GPR158: variants seen among roughly 807,000 people sequenced by gnomAD.
GPR158 encodes metabotropic glycine receptor.
GPR158 carries 30 observed loss-of-function variants against 78.2 expected under a neutral mutation model. The ratio of observed to expected loss-of-function variants is 0.38; its 90% CI spans 0.29 to 0.52. GPR158 has a LOEUF of 0.52. GPR158 is among the 20% of genes least tolerant of loss of function. The pLI, the probability that GPR158 is intolerant of heterozygous loss-of-function variation, is 0.83. For missense variants in GPR158, 1,463 were observed against 1,523.5 expected (o/e 0.96, Z 0.66); for synonymous variants, 581 against 591.1 (o/e 0.98, Z 0.25).
At chr10:25,348,785 G>A (rs1204006337) in intron 2 of GPR158, among the ~76,000 whole-genome samples, 1 of 151,924 alleles carries the variant, frequency 6.6e-6, no homozygotes, top group East Asian at 1.9e-4. Context: ...ACTAGTATGT[G>A]GCATGTGAAA....
chr10:25,475,446 G>T (rs1485421319), intron 5 of GPR158: 1 of 152,040 alleles, frequency 6.6e-6, no homozygotes, highest in Non-Finnish European at 1.5e-5. Flanking sequence ...ATGCTTTGAA[G>T]ATAGAAAGGA....
chr10:25,486,806 A>G (rs147068094), intron 5 of GPR158, among the ~76,000 whole-genome samples: 46 of 128,648 alleles, frequency 3.6e-4, no homozygotes, highest in African/African-American at 1.1e-3. Context: ...TCTAACTATG[A>G]TAGACCATTT....
intron 2 of GPR158, among the ~76,000 whole-genome samples, chr10:25,393,120 C>T (rs1385905425): frequency 6.6e-6 from 1 of 152,080 alleles, no homozygotes; most frequent in Non-Finnish European, 1.5e-5. Flanking sequence ...CAATATGTAC[C>T]AGATCTAATC....
At chr10:25,541,614 T>A (rs1294939398) in intron 5 of GPR158, among the ~76,000 whole-genome samples, 2 of 144,908 alleles carry the variant, frequency 1.4e-5, no homozygotes, top group African/African-American at 2.5e-5. Context: ...AAAAAAAAAA[T>A]TTTAGAACAC....
At chr10:25,231,260 G>A (rs537702928) in intron 2 of GPR158, among the ~76,000 whole-genome samples, 11 of 152,168 alleles carry the variant, frequency 7.2e-5, no homozygotes, top group Non-Finnish European at 1.2e-4. Flanking sequence ...ATGAAAGTGA[G>A]ATGAAAAAGC....
At chr10:25,375,302 A>C (rs1195903834) in intron 2 of GPR158, among the ~76,000 whole-genome samples, 5 of 151,560 alleles carry the variant, frequency 3.3e-5, no homozygotes, top group African/African-American at 1.2e-4. Context: ...GTTGCTTGCC[A>C]TCATTTCTCC....
chr10:25,573,000 A>G, intron 7 of GPR158, 113 bp downstream of exon 7: 1 of 701,500 alleles, frequency 1.4e-6, no homozygotes. Context: ...AATCTCACCT[A>G]ATGTGATTCT....
intron 2 of GPR158, among the ~76,000 whole-genome samples, chr10:25,379,006 G>A (rs1372339477): frequency 1.3e-5 from 2 of 151,892 alleles, no homozygotes; most frequent in African/African-American, 2.4e-5. Context: ...GCCCAGGCTG[G>A]TCTCAAAGTC....
At chr10:25,284,702 T>C (rs1854322675) in intron 2 of GPR158, among the ~76,000 whole-genome samples, 1 of 151,980 alleles carries the variant, frequency 6.6e-6, no homozygotes, top group African/African-American at 2.4e-5. Context: ...TCTCTTTTTC[T>C]GTCTTCTTTT....
intron 7 of GPR158, among the ~76,000 whole-genome samples, chr10:25,585,060 G>A (rs190022100): frequency 5.3e-4 from 80 of 152,348 alleles, no homozygotes; most frequent in Admixed American, 1.1e-3. Flanking sequence ...CTATTTGGCT[G>A]TCTATGATTG....
chr10:25,596,127 A>G (rs886290848), intron 9 of GPR158, among the ~76,000 whole-genome samples: 1 of 152,204 alleles, frequency 6.6e-6, no homozygotes, highest in African/African-American at 2.4e-5. Context: ...TGGACAATAT[A>G]TGACAAATGA....
At chr10:25,411,557 A>T (rs1834584509) in intron 3 of GPR158, among the ~76,000 whole-genome samples, 1 of 152,114 alleles carries the variant, frequency 6.6e-6, no homozygotes, top group Non-Finnish European at 1.5e-5. Flanking sequence ...CAACTTTCTT[A>T]TTCCTACTTC....
At position 25,594,789 on chromosome 10, in the gene GPR158, T is replaced by C. The variant is rs116406459; in HGVS notation, c.1998+392T>C. 6.3e-3 allele frequency among the ~76,000 whole-genome samples: 953 copies of C among 152,270 alleles called. 8 individuals are homozygous for C. The highest frequency in any genetic ancestry group is 0.022 in the African/African-American group (903 of 41,572). On this transcript the variant is annotated intron_variant, in intron 9 of 10. Transcript: ENST00000376351. ...GAACATTCAAATAATTTTTTATGTA[T>C]ATAGAAATAAATTATTACATATAGA...
rs571711588 is a variant in GPR158, at chr10:25,409,205, A to T, written c.1112-3045A>T. Among the ~76,000 whole-genome samples the T allele has an allele frequency of 1.8e-4, 28 of 152,276 alleles. No individual in the cohort carries two copies. In the South Asian group the frequency reaches 5.6e-3, roughly 30 times the overall value. On this transcript the variant is annotated intron_variant, in intron 3 of 10. Coordinates refer to ENST00000376351, the MANE Select transcript of GPR158 (RefSeq NM_020752.3). ...GAGCACATTTTGTAATCACATGAAA[A>T]GAAGCCTAAAACTGTCATTAGCACA...
intron 1 of GPR158, among the ~76,000 whole-genome samples, chr10:25,193,116 AT>A (rs1852796467): frequency 6.6e-6 from 1 of 152,230 alleles, no homozygotes; most frequent in Admixed American, 6.5e-5. Context: ...GCACCTGGCT[AT>A]GGCTACAGGT....
chr10:25,418,326 C>A (rs983771469), intron 4 of GPR158, among the ~76,000 whole-genome samples: 1 of 152,128 alleles, frequency 6.6e-6, no homozygotes, highest in African/African-American at 2.4e-5. Flanking sequence ...AACATTTTAT[C>A]ATTTTAAATG....
intron 4 of GPR158, among the ~76,000 whole-genome samples, chr10:25,432,708 C>T (rs1181159274): frequency 6.6e-6 from 1 of 152,066 alleles, no homozygotes; most frequent in Non-Finnish European, 1.5e-5. Context: ...TGAGCACTTC[C>T]CAATTTTTTC....
At chr10:25,397,767 T>G (rs1459275455) in intron 3 of GPR158, among the ~76,000 whole-genome samples, 3 of 152,210 alleles carry the variant, frequency 2.0e-5, no homozygotes, top group Non-Finnish European at 4.4e-5. Flanking sequence ...CCACATCCTC[T>G]TAAGTGTGGG....
chr10:25,209,283 A>G (rs970719313), intron 1 of GPR158, among the ~76,000 whole-genome samples: 3 of 152,172 alleles, frequency 2.0e-5, no homozygotes, highest in African/African-American at 7.2e-5. Context: ...TCTTCCTCTT[A>G]TAAGACAAAC....
Sources: allele counts gnomAD v4.1 joint callset (sites outside exome capture counted in the v4.1 genomes callset), GRCh38; gene constraint gnomAD v4.1.1; transcripts MANE v1.5; gene names NCBI Gene and HGNC (gene_info 2026-07-23, HGNC 2026-07-21).